TAF1A: variants seen among roughly 807,000 people sequenced by gnomAD.
TAF1A encodes the protein TATA box-binding protein-associated factor RNA polymerase I subunit A.
In TAF1A, 42 loss-of-function variants were observed where a neutral mutation model predicts 61.6. The ratio of observed to expected loss-of-function variants is 0.68; its 90% CI spans 0.53 to 0.88. The LOEUF (loss-of-function observed/expected upper bound fraction) is 0.88. Ranked by LOEUF, TAF1A falls within the 40% of genes least tolerant of loss-of-function variation. The pLI is 0.00. For synonymous variants in TAF1A, 179 were observed against 177.7 expected (o/e 1.01, Z -0.06); for missense variants, 424 against 518.7 (o/e 0.82, Z 1.77).
At chr1:222,558,877 G>A in intron 10 of TAF1A, 105 bp from the exon 11 acceptor site, 1 of 484,642 alleles carries the variant, frequency 2.1e-6, no homozygotes, top group Non-Finnish European at 3.7e-6. Context: ...TAATGATTAT[G>A]AAAATAGATT....
chr1:222,564,237 ATTAAGTATTTTAAAAATACCCTGGC>A (rs1660029170), intron 7 of TAF1A, 112 bp from the exon 8 acceptor site: 2 of 390,198 alleles, frequency 5.1e-6, no homozygotes, highest in Non-Finnish European at 9.2e-6. Flanking sequence ...CTTTAAATTT[ATTAAGTATTTTAAAAATACCCTGGC>A]TCTTTATCTA....
chr1:222,569,372 A>G (rs1660251434), intron 7 of TAF1A, 138 bp downstream of exon 7: 1 of 1,564,062 alleles, frequency 6.4e-7, no homozygotes, highest in African/African-American at 1.4e-5. Flanking sequence ...GCTGGAGCCA[A>G]CTTTCTCTGT....
rs542111733 is a variant in TAF1A at position 222,576,587 on chromosome 1, T to C, written c.604+858A>G. The stretch of plus-strand genomic sequence containing the variant: ...GGCATAAATGAAGATGATAACACCA[T>C]TGAAGGTTAAGAGAAGGGGAATCAG... On this transcript the variant is annotated intron_variant, in intron 5 of 10. Coordinates refer to ENST00000352967, the MANE Select transcript of TAF1A (RefSeq NM_005681.4). Among the ~76,000 whole-genome samples the C allele has an allele frequency of 8.5e-5, 13 of 152,268 alleles. No homozygotes were observed. In the South Asian group the frequency reaches 1.0e-3, roughly 12 times the overall value.
chr1:222,579,928 G>A (rs1016997807), intron 3 of TAF1A, 56 bp from the exon 4 acceptor site: 10 of 1,565,502 alleles, frequency 6.4e-6, no homozygotes, highest in Non-Finnish European at 8.6e-6. Flanking sequence ...ACCAATTTCT[G>A]TCTAAGATAT....
At chr1:222,560,710 C>T (rs1659878469) in intron 10 of TAF1A, among the ~76,000 whole-genome samples, 1 of 152,182 alleles carries the variant, frequency 6.6e-6, no homozygotes, top group Non-Finnish European at 1.5e-5. Context: ...ACACCTTAAG[C>T]TCCCTAGCAA....
chr1:222,565,095 C>T lies in TAF1A; in HGVS notation c.895-970G>A, dbSNP rs114488823. Reference sequence around the variant, plus strand: ...CCAGCACCCAGATCAAATAATAGCACATCACCAGAACACTAGAAATCCTCC... The same window carrying T: ...CCAGCACCCAGATCAAATAATAGCATATCACCAGAACACTAGAAATCCTCC... On this transcript the variant is annotated intron_variant, in intron 7 of 10. Transcript: ENST00000352967. Among the ~76,000 whole-genome samples, 304 of 152,340 alleles carry T rather than the reference C, an allele frequency of 2.0e-3. 2 individuals carry two copies. The highest frequency in any genetic ancestry group is 7.1e-3 in the African/African-American group (294 of 41,576).
intron 10 of TAF1A, among the ~76,000 whole-genome samples, chr1:222,560,454 G>A (rs1372085036): frequency 2.0e-5 from 3 of 152,164 alleles, no homozygotes; most frequent in Non-Finnish European, 4.4e-5. Flanking sequence ...TAGATAGCAA[G>A]GGAGTGAATT....
chr1:222,559,978 T>C (rs923335769), intron 10 of TAF1A, among the ~76,000 whole-genome samples: 1 of 152,118 alleles, frequency 6.6e-6, no homozygotes, highest in South Asian at 2.1e-4. Flanking sequence ...GTTCCCACCC[T>C]AACATAGAGA....
At chr1:222,560,015 T>C (rs1659851722) in intron 10 of TAF1A, among the ~76,000 whole-genome samples, 1 of 152,064 alleles carries the variant, frequency 6.6e-6, no homozygotes, top group Admixed American at 6.6e-5. Context: ...AACTCTCAAG[T>C]CCATGAGAGC....
intron 2 of TAF1A, among the ~76,000 whole-genome samples, chr1:222,586,527 T>A (rs867143833): frequency 2.6e-5 from 4 of 152,024 alleles, no homozygotes; most frequent in African/African-American, 9.7e-5. Context: ...CTGATGACTT[T>A]AAGAAAAAAA....
chr1:222,557,880 G>GTTTTTTTTT (rs1226541871), downstream of TAF1A: 1 of 115,630 alleles, frequency 8.6e-6, no homozygotes, highest in African/African-American at 3.5e-5. Context: ...GAGTCTTTTT[G>GTTTTTTTTT]TTTTTTTTTT....
chr1:222,556,082 T>C (rs1179152763), downstream of TAF1A, among the ~76,000 whole-genome samples: 1 of 152,084 alleles, frequency 6.6e-6, no homozygotes, highest in African/African-American at 2.4e-5. Context: ...AAGGTTTAGG[T>C]GTAAGAGTAC....
At chr1:222,588,002 C>G (rs999740024) in intron 2 of TAF1A, among the ~76,000 whole-genome samples, 9 of 151,564 alleles carry the variant, frequency 5.9e-5, no homozygotes, top group Non-Finnish European at 1.0e-4. Context: ...GAGCCAAGAT[C>G]TAGCCACTGC....
At chr1:222,578,331 T>C (rs1296258923) in intron 4 of TAF1A, among the ~76,000 whole-genome samples, 1 of 152,198 alleles carries the variant, frequency 6.6e-6, no homozygotes, top group Non-Finnish European at 1.5e-5. Context: ...GGCCTCTCCA[T>C]TCCTGCCTCC....
At chr1:222,582,184 T>C (rs192549731) in intron 3 of TAF1A, among the ~76,000 whole-genome samples, 3 of 152,336 alleles carry the variant, frequency 2.0e-5, no homozygotes, top group African/African-American at 7.2e-5. Flanking sequence ...GCTCCACCTG[T>C]TTCAGGAGAT....
At chr1:222,561,637 T>C in intron 9 of TAF1A, 119 bp from the exon 10 acceptor site, 1 of 1,024,962 alleles carries the variant, frequency 9.8e-7, no homozygotes, top group Non-Finnish European at 1.4e-6. Context: ...CAAGCTAAAT[T>C]CTCAATATGG....
chr1:222,568,186 A>G (rs1046971971), intron 7 of TAF1A, among the ~76,000 whole-genome samples: 2 of 151,970 alleles, frequency 1.3e-5, no homozygotes, highest in East Asian at 1.9e-4. Flanking sequence ...ATCTAGAAAA[A>G]AAAAAAAAAA....
chr1:222,558,584 A>T lies in TAF1A; in HGVS notation c.*76T>A. On this transcript the variant is annotated 3_prime_UTR_variant, in exon 11 of 11. Transcript: ENST00000352967. ...AGTAATATAAGCTTCTTAATACACT[A>T]CATAAATACATTCAATAACTATCTA... is the stretch of plus-strand genomic sequence containing the variant. 1.5e-6 allele frequency: 1 copy of T among 664,670 alleles called. No homozygotes were observed. Among genetic ancestry groups the T allele is most frequent in the Non-Finnish European group, 2.4e-6 (1 of 422,578 alleles). 41.2% of individuals were successfully genotyped at this position (664,670 alleles called of 1,614,324 possible).
downstream of TAF1A, among the ~76,000 whole-genome samples, chr1:222,556,348 A>G (rs368307011): frequency 2.5e-4 from 38 of 152,238 alleles, no homozygotes; most frequent in African/African-American, 8.9e-4. Context: ...GTCTCACTCC[A>G]CCACCTGGCT....
Sources: gnomAD v4.1 joint callset for allele counts (sites outside exome capture counted in the v4.1 genomes callset) on GRCh38, gnomAD v4.1.1 for gene constraint, MANE v1.5 for transcripts, NCBI Gene and HGNC (gene_info 2026-07-23, HGNC 2026-07-21) for gene names.